The following TSHZ2 variants were observed in gnomAD, a reference collection of about 807,000 sequenced individuals.
TSHZ2 encodes the protein teashirt homolog 2.
A neutral mutation model predicts 74.4 loss-of-function variants in TSHZ2; 21 were observed. The observed-to-expected ratio is 0.28, with a 90% CI of 0.20 to 0.41. The LOEUF (loss-of-function observed/expected upper bound fraction) is 0.41. Among genes scored for constraint, TSHZ2 ranks in the 10% least tolerant of loss-of-function variants. TSHZ2 has a pLI of 1.00. For synonymous variants in TSHZ2, 540 were observed against 515.3 expected, an observed-to-expected ratio of 1.05 and a Z score of -0.65; for missense variants, 1,244 against 1,293.5, an observed-to-expected ratio of 0.96 and a Z score of 0.59.
At chr20:53,206,843 C>T (rs1989181663) in intron 1 of TSHZ2, among the ~76,000 whole-genome samples, 1 of 152,188 alleles carries the variant, frequency 6.6e-6, no homozygotes, top group Admixed American at 6.5e-5. Context: ...GGGTGAATTC[C>T]TAACCTTCCC....
chr20:53,071,995 C>T (rs934846355), intron 1 of TSHZ2, among the ~76,000 whole-genome samples: 1 of 152,158 alleles, frequency 6.6e-6, no homozygotes, highest in South Asian at 2.1e-4. Context: ...TTACTGTCAG[C>T]TTGTGGGGTA....
chr20:53,066,758 G>A lies in TSHZ2; in HGVS notation c.40+93425G>A, dbSNP rs148145602. ...GCTGAGCTCGTGATCTGCCCGCCTCGGCCTCCCAAAGTGTTGGGATTACAG... is the reference window on the plus strand; with the variant it reads ...GCTGAGCTCGTGATCTGCCCGCCTCAGCCTCCCAAAGTGTTGGGATTACAG... On this transcript the variant is annotated intron_variant, in intron 1 of 2. Coordinates refer to ENST00000371497, the MANE Select transcript of TSHZ2 (RefSeq NM_173485.6). Among the ~76,000 whole-genome samples the A allele has an allele frequency of 9.2e-3, 1,405 of 152,212 alleles. 9 individuals carry two copies. Among genetic ancestry groups the A allele is most frequent in the South Asian group, 0.026 (123 of 4,814 alleles).
intron 2 of TSHZ2, among the ~76,000 whole-genome samples, chr20:53,406,142 A>G (rs956740186): frequency 5.8e-5 from 6 of 104,108 alleles, no homozygotes; most frequent in Admixed American, 2.2e-4. Context: ...AGAGAGGATC[A>G]GGGGGCACAG....
chr20:53,377,221 A>T (rs909730331), intron 2 of TSHZ2, among the ~76,000 whole-genome samples: 2 of 152,234 alleles, frequency 1.3e-5, no homozygotes, highest in Admixed American at 1.3e-4. Flanking sequence ...TCTCTACTGC[A>T]TCAAGGAATA....
intron 1 of TSHZ2, among the ~76,000 whole-genome samples, chr20:53,240,809 G>T (rs1380445061): frequency 3.3e-5 from 5 of 152,042 alleles, no homozygotes; most frequent in African/African-American, 1.2e-4. Context: ...TATAAGTGTG[G>T]TCTGAGAACT....
At chr20:53,453,065 C>G (rs1984871232) in intron 2 of TSHZ2, 1 of 152,200 alleles carries the variant, frequency 6.6e-6, no homozygotes, top group Admixed American at 6.5e-5. Flanking sequence ...CATGTGATCT[C>G]TCCATAAGCA....
intron 2 of TSHZ2, among the ~76,000 whole-genome samples, chr20:53,378,099 G>A (rs564693743): frequency 6.6e-5 from 10 of 152,224 alleles, no homozygotes; most frequent in East Asian, 3.9e-4. Flanking sequence ...CCAGCACTTC[G>A]GGAGGCCGAG....
At chr20:53,437,545 T>C (rs1225159754) in intron 2 of TSHZ2, among the ~76,000 whole-genome samples, 2 of 152,188 alleles carry the variant, frequency 1.3e-5, no homozygotes, top group Non-Finnish European at 2.9e-5. Context: ...GGGATTTTAC[T>C]GGCTCCTGGG....
intron 1 of TSHZ2, among the ~76,000 whole-genome samples, chr20:53,180,330 T>C (rs1438912571): frequency 6.6e-6 from 1 of 152,232 alleles, no homozygotes; most frequent in Non-Finnish European, 1.5e-5. Flanking sequence ...ATTCCCAGGA[T>C]GATGGCATTT....
intron 2 of TSHZ2, among the ~76,000 whole-genome samples, chr20:53,403,358 C>CA: frequency 6.6e-6 from 1 of 152,176 alleles, no homozygotes; most frequent in Non-Finnish European, 1.5e-5. Context: ...CAGATTACAA[C>CA]AAAAAATCAA....
In TSHZ2 at chr20:53,038,884, T is replaced by TTTTGTTTGTTTG. The variant is rs3070069; in HGVS notation, c.40+65567_40+65578dup. On this transcript the variant is annotated intron_variant, in intron 1 of 2. Transcript: ENST00000371497. ...GTTTTTTTTTTGTTTGTTTGTTTTG[T>TTTTGTTTGTTTG]TTTGTTTGTTTGTTTGTTTGTTTGT... Among the ~76,000 whole-genome samples the TTTTGTTTGTTTG allele has an allele frequency of 5.3e-4, 77 of 144,284 alleles. 1 individual carries two copies. The highest frequency in any genetic ancestry group is 8.8e-4 in the South Asian group (4 of 4,520). 94.7% of individuals were successfully genotyped at this position (144,284 alleles called of 152,430 possible). A position where few individuals can be genotyped will look rare whatever the true frequency, so the allele number is the denominator to read the frequency against.
At chr20:53,217,486 T>C (rs1406800975) in intron 1 of TSHZ2, among the ~76,000 whole-genome samples, 1 of 152,118 alleles carries the variant, frequency 6.6e-6, no homozygotes, top group Non-Finnish European at 1.5e-5. Flanking sequence ...CAGTGAACCG[T>C]TGCACATCAC....
At chr20:53,020,007 C>A (rs1006116166) in intron 1 of TSHZ2, among the ~76,000 whole-genome samples, 3 of 152,152 alleles carry the variant, frequency 2.0e-5, no homozygotes, top group African/African-American at 7.2e-5. Flanking sequence ...GCAGGGGAAG[C>A]AAGGCACGTC....
At chr20:53,027,050 C>T (rs1191643017) in intron 1 of TSHZ2, among the ~76,000 whole-genome samples, 1 of 151,910 alleles carries the variant, frequency 6.6e-6, no homozygotes, top group Non-Finnish European at 1.5e-5. Context: ...CTAATGTACT[C>T]TAATGCATTA....
At chr20:53,319,008 G>A (rs938225812) in intron 2 of TSHZ2, among the ~76,000 whole-genome samples, 2 of 152,148 alleles carry the variant, frequency 1.3e-5, no homozygotes, top group African/African-American at 2.4e-5. Flanking sequence ...CAGATCTCAT[G>A]AGACTTACTC....
intron 2 of TSHZ2, among the ~76,000 whole-genome samples, chr20:53,383,078 T>C (rs1981916209): frequency 6.6e-6 from 1 of 151,720 alleles, no homozygotes; most frequent in Non-Finnish European, 1.5e-5. Flanking sequence ...CTGGGCAACA[T>C]GGTGAAACCC....
intron 1 of TSHZ2, among the ~76,000 whole-genome samples, chr20:53,190,100 T>A (rs1988694280): frequency 1.9e-5 from 1 of 53,752 alleles, no homozygotes; most frequent in East Asian, 8.6e-4. Context: ...TATATATATA[T>A]ATATATATAT....
intron 1 of TSHZ2, among the ~76,000 whole-genome samples, chr20:53,119,715 T>A (rs75181301): frequency 0.031 from 4,680 of 152,342 alleles, 205 homozygotes; most frequent in African/African-American, 0.097. Context: ...ACTGCATTTT[T>A]AAAATTAATT....
In TSHZ2 at chr20:53,162,987, A is replaced by C. The variant is rs113026166; in HGVS notation, c.41-90512A>C. Reference sequence around the variant, plus strand: ...AATAATTGTTTTTAAAAAGTTTACTATTAGAAAGTACTGAAAAGAATGTAG... The same window carrying C: ...AATAATTGTTTTTAAAAAGTTTACTCTTAGAAAGTACTGAAAAGAATGTAG... On this transcript the variant is annotated intron_variant, in intron 1 of 2. Coordinates refer to ENST00000371497, the MANE Select transcript of TSHZ2 (RefSeq NM_173485.6). Among the ~76,000 whole-genome samples the C allele has an allele frequency of 1.7e-4, 26 of 152,326 alleles. No individual in the cohort carries two copies. In the East Asian group the frequency reaches 5.0e-3, roughly 29 times the overall value.
Sources: allele counts gnomAD v4.1 joint callset (sites outside exome capture counted in the v4.1 genomes callset), GRCh38; gene constraint gnomAD v4.1.1; transcripts MANE v1.5; gene names NCBI Gene and HGNC (gene_info 2026-07-23, HGNC 2026-07-21).